SDK1: variants seen among roughly 807,000 people sequenced by gnomAD.
SDK1 encodes sidekick cell adhesion molecule 1.
In SDK1, 157 loss-of-function variants were observed where a neutral mutation model predicts 245.5. The observed-to-expected ratio is 0.64, with a 90% CI of 0.56 to 0.73. The LOEUF (loss-of-function observed/expected upper bound fraction) is 0.73, where lower values mean the gene tolerates loss of function less well. Among genes scored for constraint, SDK1 ranks in the 30% least tolerant of loss-of-function variants. SDK1 has a pLI of 0.00. For missense variants in SDK1, 3,583 were observed against 3,002.3 expected, an observed-to-expected ratio of 1.19 and a Z score of -4.52; for synonymous variants, 1,647 against 1,278.5, an observed-to-expected ratio of 1.29 and a Z score of -6.15.
intron 9 of SDK1, among the ~76,000 whole-genome samples, chr7:3,964,764 G>C (rs1320226595): frequency 1.3e-5 from 2 of 152,204 alleles, no homozygotes; most frequent in African/African-American, 4.8e-5. Flanking sequence ...GAGCAAATCA[G>C]TGTCACTGTG....
chr7:3,732,367 G>C (rs1779205117), intron 4 of SDK1, among the ~76,000 whole-genome samples: 1 of 152,158 alleles, frequency 6.6e-6, no homozygotes, highest in Non-Finnish European at 1.5e-5. Context: ...AGCTTTTTTA[G>C]GTAGAATAAA....
intron 1 of SDK1, among the ~76,000 whole-genome samples, chr7:3,507,034 G>A (rs11973367): frequency 0.1 from 15,281 of 152,046 alleles, 1,161 homozygotes; most frequent in African/African-American, 0.21. Context: ...TCTTCAAGCC[G>A]GGGTTTTGAG....
chr7:4,256,749 G>A (rs117300118), intron 44 of SDK1, among the ~76,000 whole-genome samples: 15 of 152,308 alleles, frequency 9.8e-5, no homozygotes, highest in Admixed American at 2.0e-4. Context: ...TCTGCTCACC[G>A]TCTTCTCCAG....
In SDK1 at chr7:3,913,324, C is replaced by T. The variant is rs527301969; in HGVS notation, c.848-37599C>T. ...TTTTTTTTTTTTTGAGATGGAGTCT[C>T]GCTCTGTCACCCAGGCTGGAGTGCA... On this transcript the variant is annotated intron_variant, in intron 5 of 44. Transcript: ENST00000404826. 3.9e-3 allele frequency among the ~76,000 whole-genome samples: 565 copies of T among 144,164 alleles called. 5 individuals carry two copies. The highest frequency in any genetic ancestry group is 0.014 in the African/African-American group (523 of 38,028). 94.6% of individuals were successfully genotyped at this position (144,164 alleles called of 152,430 possible). A position where few individuals can be genotyped will look rare whatever the true frequency, so the allele number is the denominator to read the frequency against.
At chr7:3,520,635 G>T (rs924381020) in intron 1 of SDK1, among the ~76,000 whole-genome samples, 1 of 151,574 alleles carries the variant, frequency 6.6e-6, no homozygotes, top group Non-Finnish European at 1.5e-5. Flanking sequence ...ATTCAGTTTG[G>T]CTATGGTAAT....
chr7:3,447,297 T>C (rs1780368824), intron 1 of SDK1, among the ~76,000 whole-genome samples: 1 of 152,172 alleles, frequency 6.6e-6, no homozygotes, highest in Admixed American at 6.5e-5. Flanking sequence ...GAAGCGAAAC[T>C]TATCTTTACC....
At chr7:4,166,508 C>A (rs1339296058) in intron 32 of SDK1, among the ~76,000 whole-genome samples, 2 of 152,222 alleles carry the variant, frequency 1.3e-5, no homozygotes, top group Non-Finnish European at 2.9e-5. Flanking sequence ...CCCGGCACAG[C>A]CTGAGGAAAG....
At chr7:3,828,187 A>G (rs1410459575) in intron 5 of SDK1, among the ~76,000 whole-genome samples, 1 of 152,132 alleles carries the variant, frequency 6.6e-6, no homozygotes, top group Admixed American at 6.5e-5. Context: ...CTGAGGCAGG[A>G]AAATGAATTG....
chr7:3,797,012 T>C (rs1778977007), intron 4 of SDK1, among the ~76,000 whole-genome samples: 1 of 152,060 alleles, frequency 6.6e-6, no homozygotes, highest in South Asian at 2.1e-4. Context: ...TTTCTTTCTT[T>C]TTTTTCTTTA....
intron 4 of SDK1, among the ~76,000 whole-genome samples, chr7:3,715,474 C>A (rs1209648168): frequency 6.6e-6 from 1 of 152,148 alleles, no homozygotes; most frequent in African/African-American, 2.4e-5. Context: ...ACCAGACACC[C>A]CTCACCTTCT....
intron 4 of SDK1, among the ~76,000 whole-genome samples, chr7:3,698,146 T>C (rs1209897355): frequency 2.0e-5 from 3 of 152,090 alleles, no homozygotes; most frequent in Non-Finnish European, 4.4e-5. Context: ...GGAGGCAGCT[T>C]AGAATGACAG....
At chr7:3,346,181 C>T (rs935107180) in intron 1 of SDK1, among the ~76,000 whole-genome samples, 2 of 152,118 alleles carry the variant, frequency 1.3e-5, no homozygotes, top group African/African-American at 4.8e-5. Context: ...CCTGTGCATG[C>T]ACAAATGCTG....
chr7:3,602,441 T>G (rs986223443), intron 1 of SDK1, among the ~76,000 whole-genome samples: 2 of 144,550 alleles, frequency 1.4e-5, no homozygotes, highest in Admixed American at 1.4e-4. Context: ...ATGAGGAGCA[T>G]TTTTTCATGT....
intron 1 of SDK1, among the ~76,000 whole-genome samples, chr7:3,411,371 G>A (rs917978411): frequency 2.6e-5 from 4 of 152,114 alleles, no homozygotes; most frequent in Admixed American, 1.3e-4. Flanking sequence ...GAGCAAAAAC[G>A]GTTGACTACA....
intron 4 of SDK1, among the ~76,000 whole-genome samples, chr7:3,699,610 A>C (rs1784682628): frequency 6.6e-6 from 1 of 152,142 alleles, no homozygotes; most frequent in Non-Finnish European, 1.5e-5. Flanking sequence ...AAACAGACTA[A>C]ACAAACAAAC....
chr7:3,953,220 A>G (rs1780973912), intron 7 of SDK1, among the ~76,000 whole-genome samples: 1 of 152,190 alleles, frequency 6.6e-6, no homozygotes, highest in Non-Finnish European at 1.5e-5. Flanking sequence ...AAGAAAAGGA[A>G]TACTGCACAA....
At chr7:3,568,101 A>AT (rs1191825557) in intron 1 of SDK1, among the ~76,000 whole-genome samples, 1 of 152,218 alleles carries the variant, frequency 6.6e-6, no homozygotes, top group Admixed American at 6.5e-5. Flanking sequence ...GATTACAGGC[A>AT]TGAACCACTG....
intron 14 of SDK1, among the ~76,000 whole-genome samples, chr7:4,000,914 T>G (rs1458517943): frequency 6.6e-6 from 1 of 152,078 alleles, no homozygotes. Flanking sequence ...GAGGTGTTTA[T>G]GAAGGGGGGA....
chr7:3,705,355 A>AT (rs1287388421), intron 4 of SDK1, among the ~76,000 whole-genome samples: 40 of 150,328 alleles, frequency 2.7e-4, no homozygotes, highest in Admixed American at 2.6e-3. Flanking sequence ...GTCATCTATG[A>AT]TTTTTTTCAG....
Sources: allele counts gnomAD v4.1 joint callset (sites outside exome capture counted in the v4.1 genomes callset), GRCh38; gene constraint gnomAD v4.1.1; transcripts MANE v1.5; gene names NCBI Gene and HGNC (gene_info 2026-07-23, HGNC 2026-07-21).